Variants in PRPF40B observed in about 807,000 individuals in gnomAD.
PRPF40B encodes pre-mRNA-processing factor 40 homolog B.
A neutral mutation model predicts 124.5 loss-of-function variants in PRPF40B; 56 were observed. That is an observed-to-expected ratio of 0.45 (90% confidence interval 0.36 to 0.56). PRPF40B has a LOEUF of 0.56. PRPF40B is among the 20% of genes least tolerant of loss of function. The pLI is 0.00. For synonymous variants in PRPF40B, 443 were observed against 426.4 expected (o/e 1.04, Z -0.48); for missense variants, 1,053 against 1,169.5 (o/e 0.90, Z 1.45).
rs770177120 is a variant in PRPF40B at position 49,635,570 on chromosome 12, C to T, written c.1275+97C>T. On this transcript the variant is annotated intron_variant, in intron 14 of 25. Coordinates refer to ENST00000548825, the MANE Select transcript of PRPF40B (RefSeq NM_001031698.3). The surrounding 1 kb of genome is among the most constrained non-coding windows in gnomAD (Gnocchi z 4.1). ...CCCTCGCCATTTACTTCTCTACTTC[C>T]CCAGTGTCCCAGCTTCTGACTTGGA... The T allele has an allele frequency of 3.4e-6, 4 of 1,187,388 alleles. No individual in the cohort carries two copies. Among genetic ancestry groups the T allele is most frequent in the Non-Finnish European group, 4.8e-6 (4 of 839,682 alleles). The allele number at this position is 1,187,388 out of a possible 1,614,324, so 73.6% of individuals were successfully genotyped here.
In PRPF40B at chr12:49,633,143, TG is replaced by T; in HGVS notation, c.459+21del. Reference sequence around the variant, plus strand: ...GGCAGAGGTCCTGAGCTGGGCTTTCTGGCCCTTCCTTTCAGCTGCCCTGACC... The same window carrying T: ...GGCAGAGGTCCTGAGCTGGGCTTTCTGCCCTTCCTTTCAGCTGCCCTGACC... On this transcript the variant is annotated intron_variant, in intron 7 of 25. Coordinates refer to ENST00000548825, the MANE Select transcript of PRPF40B (RefSeq NM_001031698.3). 1 of 1,570,864 alleles carries T rather than the reference TG, an allele frequency of 6.4e-7. No homozygotes were observed. Among genetic ancestry groups the T allele is most frequent in the Non-Finnish European group, 8.6e-7 (1 of 1,156,468 alleles).
rs543045643 is a variant in PRPF40B at position 49,643,369 on chromosome 12, C to G, written c.2352C>G (p.Gly784=). The part of the protein sequence containing the change: ...ESGGAALGGR[G]SPSSHLLGAD... ...GGGGTGCTGCCCTTGGAGGACGGGG[C>G]TCCCCTTCCTCCCATCTTCTTGGAG... Residue 784 remains glycine, a synonymous_variant, in exon 23 of 26, where the codon GGC becomes GGG. Coordinates refer to ENST00000548825, the MANE Select transcript of PRPF40B (RefSeq NM_001031698.3). The G allele has an allele frequency of 1.9e-6, 3 of 1,572,170 alleles. No homozygotes were observed. The South Asian group carries it at 3.5e-5, about 19-fold the overall frequency.
At chr12:49,633,289 C>G in intron 7 of PRPF40B, 138 bp from the exon 8 acceptor site, 1 of 1,357,444 alleles carries the variant, frequency 7.4e-7, no homozygotes, top group Non-Finnish European at 1.0e-6. Flanking sequence ...CTCAAGAAGT[C>G]CACCTTCCCC....
Position 49,634,601 on chromosome 12 carries a change from A to C in PRPF40B, c.1000A>C (p.Ser334Arg), listed in dbSNP as rs1376556931. 6.2e-7 allele frequency: 1 copy of C among 1,614,102 alleles called. No homozygotes were observed. The highest frequency in any genetic ancestry group is 2.2e-5 in the East Asian group (1 of 44,868). ...GATGGTGGTCACCGACCCCCGTTAC[A>C]GGTAGGCCTGGGCAGAGGGAGCCAG... ...MKMVVTDPRY[S>R]ALPKLSEKKQ... Residue 334 changes from serine to arginine, a missense_variant and splice_region_variant, in exon 12 of 26, where the codon AGT becomes CGT. By Grantham distance (110) the Ser-to-Arg change is moderately radical. Around this residue, in one of 2 missense-constraint regions of PRPF40B, gnomAD observed 895 missense variants for 1,052.2 expected, o/e 0.85. Transcript: ENST00000548825.
chr12:49,623,765 G>T (rs1940425636), intron 1 of PRPF40B, 172 bp downstream of exon 1: 14 of 483,302 alleles, frequency 2.9e-5, no homozygotes, highest in Non-Finnish European at 3.7e-5. Context: ...TGGGGGCGGG[G>T]ACTGGGGGCG....
intron 15 of PRPF40B, chr12:49,636,488 T>C (rs1941820901): frequency 1.9e-6 from 1 of 520,906 alleles, no homozygotes; most frequent in East Asian, 2.9e-5. Context: ...AATAACTGAA[T>C]TCACAAGAGC....
Position 49,631,553 on chromosome 12 carries a change from C to G in PRPF40B, c.228+9C>G. ...CACCACCACTCACACAGGTAATTGT[C>G]TCTCCTCCCCTGGGGCCTCAGAAAA... On this transcript the variant is annotated intron_variant, in intron 3 of 25. Coordinates refer to ENST00000548825, the MANE Select transcript of PRPF40B (RefSeq NM_001031698.3). The surrounding 1 kb of genome is among the most constrained non-coding windows in gnomAD (Gnocchi z 4.3). 1 of 1,548,558 alleles carries G rather than the reference C, an allele frequency of 6.5e-7. No individual in the cohort carries two copies. The highest frequency in any genetic ancestry group is 8.7e-7 in the Non-Finnish European group (1 of 1,153,130).
chr12:49,637,512 A>C lies in PRPF40B; in HGVS notation c.1603A>C (p.Met535Leu). Residue 535 changes from methionine to leucine, a missense_variant, in exon 17 of 26, where the codon ATG (methionine) becomes CTG (leucine). Transcript: ENST00000548825. ...GCATGAGACAGGGCAGCTGCACTCT[A>C]TGTCCACCTGGATGGAGCTATATCC... Reference protein sequence around the residue: ...ELHETGQLHSMSTWMELYPAV... With the variant: ...ELHETGQLHSLSTWMELYPAV... 1 of 1,613,730 alleles carries C rather than the reference A, an allele frequency of 6.2e-7. No individual in the cohort carries two copies. The highest frequency in any genetic ancestry group is 8.5e-7 in the Non-Finnish European group (1 of 1,179,996).
intron 5 of PRPF40B, 89 bp from the exon 6 acceptor site, chr12:49,632,766 T>G: frequency 6.2e-7 from 1 of 1,603,174 alleles, no homozygotes; most frequent in East Asian, 2.2e-5. Context: ...AGGGGACTAT[T>G]TACTGGGGCT....
chr12:49,623,435 G>C, upstream of PRPF40B: 5 of 753,696 alleles, frequency 6.6e-6, no homozygotes, highest in Non-Finnish European at 8.9e-6. Context: ...CACCGGGCCG[G>C]TTGGGGCCCC....
At chr12:49,632,085 T>C (rs1487968912) in intron 4 of PRPF40B, 160 bp downstream of exon 4, 2 of 715,242 alleles carry the variant, frequency 2.8e-6, no homozygotes, top group Non-Finnish European at 4.9e-6. Flanking sequence ...GCCAGCCATG[T>C]ACTCAGCTCT....
At position 49,643,237 on chromosome 12, in the gene PRPF40B, A is replaced by T; in HGVS notation, c.2220A>T (p.Glu740Asp). Residue 740 changes from glutamate (E) to aspartate (D), a missense_variant, in exon 23 of 26, where the codon GAA (glutamate) becomes GAT (aspartate). Coordinates refer to ENST00000548825, the MANE Select transcript of PRPF40B (RefSeq NM_001031698.3). The part of the protein sequence containing the change: ...RSHSPSGSES[E>D]EEELPPPSLR... Reference sequence around the variant, plus strand: ...GATCTGCCCAGGGCTCTGAGTCAGAAGAAGAGGAGCTGCCCCCACCATCTC... The same window carrying T: ...GATCTGCCCAGGGCTCTGAGTCAGATGAAGAGGAGCTGCCCCCACCATCTC... 1 of 1,614,092 alleles carries T rather than the reference A, an allele frequency of 6.2e-7. No homozygotes were observed. The highest frequency in any genetic ancestry group is 8.5e-7 in the Non-Finnish European group (1 of 1,180,014).
In PRPF40B at chr12:49,632,319, T is replaced by C. The variant is rs533077051; in HGVS notation, c.295-277T>C. 1.9e-5 allele frequency: 11 copies of C among 567,204 alleles called. No homozygotes were observed. In the Admixed American group the frequency reaches 2.9e-4, roughly 15 times the overall value. The allele number at this position is 567,204 out of a possible 1,614,324, so 35.1% of individuals were successfully genotyped here. ...AGTGTAGCAGAGTCTGGGTAGGATA[T>C]AGAATTTGGCATCCACTGTGAAGGA... is the stretch of plus-strand genomic sequence containing the variant. On this transcript the variant is annotated intron_variant, in intron 4 of 25. Coordinates refer to ENST00000548825, the MANE Select transcript of PRPF40B (RefSeq NM_001031698.3).
Position 49,642,530 on chromosome 12 carries a change from G to C in PRPF40B, c.2023-50G>C. On this transcript the variant is annotated intron_variant, in intron 20 of 25. Coordinates refer to ENST00000548825, the MANE Select transcript of PRPF40B (RefSeq NM_001031698.3). The surrounding 1 kb of genome is among the most constrained non-coding windows in gnomAD (Gnocchi z 5.8). ...GCCCTGTGCTCATGGCGGTGTCCAG[G>C]CCAGGCTGAGTGGGGCCTAGTCTGA... The C allele has an allele frequency of 6.2e-7, 1 of 1,604,184 alleles. No homozygotes were observed. Among genetic ancestry groups the C allele is most frequent in the Non-Finnish European group, 8.5e-7 (1 of 1,171,528 alleles).
Position 49,635,703 on chromosome 12 carries a change from C to T in PRPF40B, c.1276-140C>T, listed in dbSNP as rs1191020203. 1 of 1,051,022 alleles carries T rather than the reference C, an allele frequency of 9.5e-7. No homozygotes were observed. Among genetic ancestry groups the T allele is most frequent in the Non-Finnish European group, 1.4e-6 (1 of 727,826 alleles). 65.1% of individuals were successfully genotyped at this position (1,051,022 alleles called of 1,614,324 possible). ...TGGGTCTGTAACCTGTACTCCCTCC[C>T]CTTCCCTGAGACATGAAAGTCTTGA... On this transcript the variant is annotated intron_variant, in intron 14 of 25. Transcript: ENST00000548825. This position sits in a 1 kb window ranked among gnomAD's most constrained non-coding sequence, Gnocchi z 4.1.
chr12:49,641,696 C>T (rs1299336622), intron 18 of PRPF40B: 1 of 575,578 alleles, frequency 1.7e-6, no homozygotes. Context: ...ACCCCTTCAG[C>T]TCTGTGTGAC....
chr12:49,637,594 C>G lies in PRPF40B; in HGVS notation c.1675+10C>G. On this transcript the variant is annotated intron_variant, in intron 17 of 25. Transcript: ENST00000548825. ...ATGCTGGGCCAGCCGGGTAAGGCAG[C>G]CAGGCTCCCCCTTCTCTGGCCTGGC... is the stretch of plus-strand genomic sequence containing the variant. 1 of 1,610,344 alleles carries G rather than the reference C, an allele frequency of 6.2e-7. No homozygotes were observed. Among genetic ancestry groups the G allele is most frequent in the Non-Finnish European group, 8.5e-7 (1 of 1,177,502 alleles).
Position 49,633,961 on chromosome 12 carries a change from T to G in PRPF40B, c.681T>G (p.Pro227=). The G allele has an allele frequency of 6.2e-7, 1 of 1,614,118 alleles. No individual in the cohort carries two copies. Among genetic ancestry groups the G allele is most frequent in the Non-Finnish European group, 8.5e-7 (1 of 1,180,010 alleles). Residue 227 remains proline (P), a synonymous_variant, in exon 10 of 26, where the codon CCT becomes CCG. Coordinates refer to ENST00000548825, the MANE Select transcript of PRPF40B (RefSeq NM_001031698.3). ...CACAGCCTGACCCCCCACCTGTGCC[T>G]CCTGGCCCCACCCCAGTGCCCACAG... The part of the protein sequence containing the change: ...PQPQPDPPPV[P]PGPTPVPTGL...
intron 1 of PRPF40B, among the ~76,000 whole-genome samples, chr12:49,624,783 T>G (rs1592568751): frequency 6.7e-6 from 1 of 149,998 alleles, no homozygotes; most frequent in African/African-American, 2.5e-5. Flanking sequence ...AGGCAGAGGT[T>G]GTGGTGAGCT....
Sources: gnomAD v4.1 joint callset for allele counts (sites outside exome capture counted in the v4.1 genomes callset) on GRCh38, gnomAD v4.1.1 for gene constraint, gnomAD v4.1.1 regional missense constraint, Gnocchi (gnomAD v3.1) non-coding constraint, MANE v1.5 for transcripts, NCBI Gene and HGNC (gene_info 2026-07-23, HGNC 2026-07-21) for gene names.